Variants in CNBD1 observed in about 807,000 individuals in gnomAD.
The protein encoded by CNBD1 is cyclic nucleotide-binding domain-containing protein 1.
A neutral mutation model predicts 54.4 loss-of-function variants in CNBD1; 71 were observed. The ratio of observed to expected loss-of-function variants is 1.30; its 90% CI spans 1.08 to 1.59. CNBD1 has a LOEUF of 1.59. CNBD1 is among the 40% of genes most tolerant of loss of function. The probability of loss-of-function intolerance (pLI) is 0.00; values close to 1 mark genes in which losing one functional copy is unlikely to be tolerated. For missense variants in CNBD1, 659 were observed against 518.0 expected (o/e 1.27, Z -2.64); for synonymous variants, 182 against 170.7 (o/e 1.07, Z -0.51).
intron 4 of CNBD1, among the ~76,000 whole-genome samples, chr8:87,157,064 A>G (rs1347622316): frequency 1.3e-5 from 2 of 152,174 alleles, no homozygotes; most frequent in Non-Finnish European, 2.9e-5. Flanking sequence ...TCTTAGAACA[A>G]GTCTCTGCAT....
chr8:87,198,885 G>C (rs1486122413), intron 4 of CNBD1, among the ~76,000 whole-genome samples: 1 of 152,154 alleles, frequency 6.6e-6, no homozygotes, highest in East Asian at 1.9e-4. Context: ...AGTTCTGCAG[G>C]CTTTACAGGA....
intron 2 of CNBD1, among the ~76,000 whole-genome samples, chr8:86,898,646 C>T (rs1808882959): frequency 6.6e-6 from 1 of 152,090 alleles, no homozygotes; most frequent in African/African-American, 2.4e-5. Context: ...TAGGCAGAGA[C>T]CTTACATTAT....
At chr8:87,224,383 G>A (rs1462168116) in intron 5 of CNBD1, among the ~76,000 whole-genome samples, 6 of 151,528 alleles carry the variant, frequency 4.0e-5, no homozygotes, top group Non-Finnish European at 5.9e-5. Flanking sequence ...TAGGTCTAAT[G>A]TTTAAGTCTT....
intron 4 of CNBD1, among the ~76,000 whole-genome samples, chr8:87,203,940 TC>T (rs1813915200): frequency 6.6e-6 from 1 of 152,162 alleles, no homozygotes; most frequent in Admixed American, 6.6e-5. Flanking sequence ...TATTGTAAAA[TC>T]CTCCACCCTA....
At chr8:87,170,111 A>G (rs1349876739) in intron 4 of CNBD1, among the ~76,000 whole-genome samples, 1 of 152,102 alleles carries the variant, frequency 6.6e-6, no homozygotes, top group Non-Finnish European at 1.5e-5. Flanking sequence ...TTTTCATTGT[A>G]GAGAACTTTC....
intron 2 of CNBD1, among the ~76,000 whole-genome samples, chr8:87,423,039 G>A (rs890670644): frequency 3.8e-4 from 58 of 151,950 alleles, no homozygotes; most frequent in African/African-American, 1.4e-3. Flanking sequence ...TGAAGCAATT[G>A]TGAAAGGGAG....
intron 1 of CNBD1, among the ~76,000 whole-genome samples, chr8:86,870,189 CTTT>C (rs71275890): frequency 9.9e-6 from 1 of 100,622 alleles, no homozygotes; most frequent in Admixed American, 1.2e-4. Context: ...AGATAGTACT[CTTT>C]TTTTTTTTTT....
intron 4 of CNBD1, among the ~76,000 whole-genome samples, chr8:87,164,152 A>G (rs1812913315): frequency 6.6e-6 from 1 of 151,698 alleles, no homozygotes. Flanking sequence ...ATCCCACTTA[A>G]TTATGTTTTG....
downstream of CNBD1, among the ~76,000 whole-genome samples, chr8:87,383,059 G>A (rs576594086): frequency 6.6e-6 from 1 of 151,856 alleles, no homozygotes; most frequent in Non-Finnish European, 1.5e-5. Flanking sequence ...AATCTATAAA[G>A]CATATGTAAA....
At chr8:87,355,832 G>T (rs766158675) in intron 10 of CNBD1, among the ~76,000 whole-genome samples, 1 of 152,030 alleles carries the variant, frequency 6.6e-6, no homozygotes, top group Admixed American at 6.6e-5. Context: ...ATGTTGAAAC[G>T]TCATCCTCAA....
chr8:87,186,788 A>G (rs1350384463), intron 4 of CNBD1, among the ~76,000 whole-genome samples: 1 of 152,058 alleles, frequency 6.6e-6, no homozygotes, highest in Non-Finnish European at 1.5e-5. Context: ...AAATGGTTTG[A>G]GGGACTACTA....
chr8:87,367,334 T>C (rs1329504604), intron 10 of CNBD1, among the ~76,000 whole-genome samples: 1 of 152,068 alleles, frequency 6.6e-6, no homozygotes, highest in Non-Finnish European at 1.5e-5. Flanking sequence ...AGAACGTATA[T>C]AAAGCTCTCC....
chr8:87,152,295 G>A (rs1460714576), intron 4 of CNBD1, among the ~76,000 whole-genome samples: 2 of 152,008 alleles, frequency 1.3e-5, no homozygotes, highest in Non-Finnish European at 2.9e-5. Context: ...GAGACATTTT[G>A]GAACGAATGA....
At chr8:87,057,890 C>T (rs1451804704) in intron 4 of CNBD1, among the ~76,000 whole-genome samples, 1 of 151,982 alleles carries the variant, frequency 6.6e-6, no homozygotes, top group Admixed American at 6.6e-5. Context: ...CACAATCGTG[C>T]CTTCCCAAAA....
At chr8:87,319,358 A>G (rs1809470380) in intron 8 of CNBD1, among the ~76,000 whole-genome samples, 2 of 152,132 alleles carry the variant, frequency 1.3e-5, no homozygotes, top group South Asian at 4.1e-4. Flanking sequence ...GTATTTTTAC[A>G]TTGTTCTAAA....
intron 4 of CNBD1, among the ~76,000 whole-genome samples, chr8:87,080,483 A>G (rs1324871465): frequency 6.6e-6 from 1 of 152,022 alleles, no homozygotes; most frequent in Non-Finnish European, 1.5e-5. Context: ...GGGATAGCGA[A>G]TCACTTGAAC....
At chr8:86,911,583 A>G (rs1206253265) in intron 3 of CNBD1, among the ~76,000 whole-genome samples, 5 of 152,214 alleles carry the variant, frequency 3.3e-5, no homozygotes, top group Admixed American at 1.3e-4. Context: ...ACATTTATCT[A>G]TGCTGGGAAC....
intron 4 of CNBD1, among the ~76,000 whole-genome samples, chr8:87,056,851 A>G (rs1269950838): frequency 6.6e-6 from 1 of 152,200 alleles, no homozygotes; most frequent in Admixed American, 6.5e-5. Flanking sequence ...TAAAATAGCA[A>G]AACAAGTTTG....
At chr8:87,421,960 C>T (rs1487124293) in intron 2 of CNBD1, among the ~76,000 whole-genome samples, 68 of 149,628 alleles carry the variant, frequency 4.5e-4, no homozygotes, top group African/African-American at 1.0e-3. Flanking sequence ...TTTTAATGAT[C>T]GCCATTCTAA....
Sources: allele counts gnomAD v4.1 joint callset (sites outside exome capture counted in the v4.1 genomes callset), GRCh38; gene constraint gnomAD v4.1.1; transcripts MANE v1.5; gene names NCBI Gene and HGNC (gene_info 2026-07-23, HGNC 2026-07-21).